Variants in QRICH2 observed in about 807,000 individuals in gnomAD.
QRICH2 encodes glutamine rich 2.
QRICH2 carries 119 observed loss-of-function variants against 168.3 expected under a neutral mutation model. That is an observed-to-expected ratio of 0.71 (90% confidence interval 0.61 to 0.82). QRICH2 has a LOEUF of 0.82. QRICH2 is among the 40% of genes least tolerant of loss of function. The pLI, the probability that QRICH2 is intolerant of heterozygous loss-of-function variation, is 0.00. For synonymous variants in QRICH2, 894 were observed against 951.2 expected (o/e 0.94, Z 1.11); for missense variants, 2,241 against 2,491.6 (o/e 0.90, Z 2.14).
chr17:76,293,408 T>G lies in QRICH2; in HGVS notation c.1319A>C (p.Gln440Pro). 1 of 1,614,162 alleles carries G rather than the reference T, an allele frequency of 6.2e-7. No individual in the cohort carries two copies. The highest frequency in any genetic ancestry group is 8.5e-7 in the Non-Finnish European group (1 of 1,180,016). Residue 440 changes from glutamine (Q) to proline (P), a missense_variant, in exon 4 of 19, where the codon CAA becomes CCA. Transcript: ENST00000680821. ...RELIPFVVDE[Q>P]RMLPPSVPGR... ...AGGTACTGATGGTGGCAACATACGT[T>G]GCTCATCCACGACAAATGGTATCAA... is the stretch of plus-strand genomic sequence containing the variant.
chr17:76,307,667 T>C lies in QRICH2; in HGVS notation c.332A>G (p.Glu111Gly). Residue 111 changes from glutamate (E) to glycine (G), a missense_variant, in exon 1 of 19, where the codon GAG (glutamate) becomes GGG (glycine). Coordinates refer to ENST00000680821, the MANE Select transcript of QRICH2 (RefSeq NM_001388453.1). The surrounding 1 kb of genome is among the most constrained non-coding windows in gnomAD (Gnocchi z 5.3). Reference protein sequence around the residue: ...SQVKDLGGQVEDLSKQLKRVD... With the variant: ...SQVKDLGGQVGDLSKQLKRVD... ...ACGCTTGAGCTGCTTGCTCAGGTCC[T>C]CCACCTGGCCGCCCAGGTCCTTCAC... 1 of 1,463,328 alleles carries C rather than the reference T, an allele frequency of 6.8e-7. No homozygotes were observed. The highest frequency in any genetic ancestry group is 9.1e-7 in the Non-Finnish European group (1 of 1,103,746). The allele number at this position is 1,463,328 out of a possible 1,614,324, so 90.6% of individuals were successfully genotyped here. A position where few individuals can be genotyped will look rare whatever the true frequency, so the allele number is the denominator to read the frequency against.
intron 17 of QRICH2, 31 bp downstream of exon 17, chr17:76,276,649 A>G (rs375720741): frequency 1.3e-6 from 2 of 1,568,126 alleles, no homozygotes; most frequent in African/African-American, 2.7e-5. Flanking sequence ...GACCCACGTG[A>G]GGTGCCTGGG....
chr17:76,307,635 C>G lies in QRICH2; in HGVS notation c.364G>C (p.Gly122Arg). ...TGCGTGGCGATGCCCTGCACCTGGCCGTCCACACGCTTGAGCTGCTTGCTC... is the reference window on the plus strand; with the variant it reads ...TGCGTGGCGATGCCCTGCACCTGGCGGTCCACACGCTTGAGCTGCTTGCTC... ...DLSKQLKRVDGQVQGIATHVQ... is the reference protein window; with the variant it reads ...DLSKQLKRVDRQVQGIATHVQ... The change falls in exon 1 of 19, where the codon GGC (glycine) becomes CGC (arginine). Residue 122 changes from glycine to arginine, a missense_variant. Gly to Arg is a moderately radical substitution (Grantham distance 125). Around this residue, in one of 3 missense-constraint regions of QRICH2, gnomAD observed 2,047 missense variants for 2,303.8 expected, o/e 0.89. Coordinates refer to ENST00000680821, the MANE Select transcript of QRICH2 (RefSeq NM_001388453.1). The surrounding 1 kb of genome is among the most constrained non-coding windows in gnomAD (Gnocchi z 5.3). 1.3e-6 allele frequency: 2 copies of G among 1,504,082 alleles called. No homozygotes were observed. The allele number at this position is 1,504,082 out of a possible 1,614,324, so 93.2% of individuals were successfully genotyped here. A position where few individuals can be genotyped will look rare whatever the true frequency, so the allele number is the denominator to read the frequency against.
intron 5 of QRICH2, among the ~76,000 whole-genome samples, chr17:76,289,520 CGAT>C (rs2070949826): frequency 6.6e-6 from 1 of 152,010 alleles, no homozygotes; most frequent in African/African-American, 2.4e-5. Flanking sequence ...GAAATGAACA[CGAT>C]GATACCCAAG....
At position 76,307,573 on chromosome 17, in the gene QRICH2, C is replaced by G. The variant is rs2143420414; in HGVS notation, c.426G>C (p.Leu142=). The G allele has an allele frequency of 1.9e-6, 3 of 1,572,760 alleles. No homozygotes were observed. In the East Asian group the frequency reaches 7.1e-5, roughly 37 times the overall value. The part of the protein sequence containing the change: ...QHFSQASGLD[L]AALEWPEEQE... The stretch of plus-strand genomic sequence containing the variant: ...GCTCCTCCGGCCACTCTAGCGCGGC[C>G]AGGTCAAGCCCGCTGGCCTGGGAGA... The change falls in exon 1 of 19, where the codon CTG becomes CTC. Residue 142 remains leucine (L), a synonymous_variant. Coordinates refer to ENST00000680821, the MANE Select transcript of QRICH2 (RefSeq NM_001388453.1). This position sits in a 1 kb window ranked among gnomAD's most constrained non-coding sequence, Gnocchi z 5.3.
intron 6 of QRICH2, 78 bp from the exon 7 acceptor site, chr17:76,287,384 G>T: frequency 2.0e-6 from 2 of 998,254 alleles, no homozygotes; most frequent in Non-Finnish European, 3.1e-6. Flanking sequence ...CAGGGACGCA[G>T]GGGGATGCAG....
Position 76,293,527 on chromosome 17 carries a change from A to T in QRICH2, c.1200T>A (p.Pro400=). ...RGLEPTGMNQ[P]GLVPASTYPH... ...GGTAAGTGCTAGCAGGCACTAATCCAGGCTGATTCATGCCAGTTGGTTCTA... is the reference window on the plus strand; with the variant it reads ...GGTAAGTGCTAGCAGGCACTAATCCTGGCTGATTCATGCCAGTTGGTTCTA... Residue 400 remains proline (P), a synonymous_variant, in exon 4 of 19, where the codon CCT becomes CCA. Coordinates refer to ENST00000680821, the MANE Select transcript of QRICH2 (RefSeq NM_001388453.1). 1.9e-6 allele frequency: 3 copies of T among 1,614,234 alleles called. No homozygotes were observed. The South Asian group carries it at 3.3e-5, about 18-fold the overall frequency.
At position 76,300,864 on chromosome 17, in the gene QRICH2, C is replaced by T. The variant is rs570019466; in HGVS notation, c.705+3551G>A. 5.3e-3 allele frequency among the ~76,000 whole-genome samples: 811 copies of T among 152,238 alleles called. 6 individuals are homozygous for T. The highest frequency in any genetic ancestry group is 0.019 in the African/African-American group (774 of 41,556). Reference sequence around the variant, plus strand: ...GTCAGGAGTTTAAGACCAGCCTGGCCAACACGGTGAAACCCCATCTTTACT... The same window carrying T: ...GTCAGGAGTTTAAGACCAGCCTGGCTAACACGGTGAAACCCCATCTTTACT... On this transcript the variant is annotated intron_variant, in intron 3 of 18. Coordinates refer to ENST00000680821, the MANE Select transcript of QRICH2 (RefSeq NM_001388453.1).
At chr17:76,304,750 C>A in intron 2 of QRICH2, 132 bp downstream of exon 2, 1 of 800,204 alleles carries the variant, frequency 1.2e-6, no homozygotes, top group South Asian at 1.4e-5. Flanking sequence ...TCCCTCCAAC[C>A]CTGGGGCAGA....
chr17:76,292,250 A>G lies in QRICH2; in HGVS notation c.2477T>C (p.Val826Ala), dbSNP rs1230801114. The change falls in exon 4 of 19, where the codon GTG becomes GCG. Residue 826 changes from valine to alanine, a missense_variant. Coordinates refer to ENST00000680821, the MANE Select transcript of QRICH2 (RefSeq NM_001388453.1). ...AGGTTGAACCAAACCACGCTGATCC[A>G]CTCCAGGTTGGACCAAACCACGCTG... is the stretch of plus-strand genomic sequence containing the variant. The part of the protein sequence containing the change: ...AVQRGLVQPG[V>A]DQRGLVQPGA... 9 of 1,593,768 alleles carry G rather than the reference A, an allele frequency of 5.6e-6. No individual in the cohort carries two copies. Among genetic ancestry groups the G allele is most frequent in the Non-Finnish European group, 6.8e-6 (8 of 1,174,800 alleles).
At chr17:76,294,791 T>C (rs1417865005) in intron 3 of QRICH2, among the ~76,000 whole-genome samples, 16 of 143,764 alleles carry the variant, frequency 1.1e-4, no homozygotes, top group Non-Finnish European at 2.4e-4. Context: ...CCAGCCTGGG[T>C]GACAGAGTGA....
chr17:76,300,160 C>T (rs1323003652), intron 3 of QRICH2, among the ~76,000 whole-genome samples: 2 of 152,208 alleles, frequency 1.3e-5, no homozygotes, highest in South Asian at 2.1e-4. Flanking sequence ...ATGCCACTAT[C>T]GTACTGTTTT....
At position 76,279,363 on chromosome 17, in the gene QRICH2, T is replaced by G. The variant is rs1172339683; in HGVS notation, c.4814A>C (p.His1605Pro). 1 of 1,612,084 alleles carries G rather than the reference T, an allele frequency of 6.2e-7. No homozygotes were observed. Among genetic ancestry groups the G allele is most frequent in the East Asian group, 2.2e-5 (1 of 44,828 alleles). ...DRPLETPVTG[H>P]AIPVTPAGPG... ...ACGTGCCGGCGGTGTGGGCACTCAC[T>G]GTCCAGTCACAGGTGTCTCCAAGGG... The change falls in exon 13 of 19, where the codon CAT becomes CCT. Residue 1605 changes from histidine (H) to proline (P), a missense_variant and splice_region_variant. His to Pro is a moderately conservative substitution (Grantham distance 77). Coordinates refer to ENST00000680821, the MANE Select transcript of QRICH2 (RefSeq NM_001388453.1).
In QRICH2 at chr17:76,293,202, C is replaced by A; in HGVS notation, c.1525G>T (p.Gly509Cys). ...AATGTCAATCCTTGCTGGTCTATAC[C>A]AGGGGGTACTAGTCCTTGCTGACCC... ...GMGQQGLVPP[G>C]IDQQGLTLPV... Residue 509 changes from glycine to cysteine, a missense_variant, in exon 4 of 19, where the codon GGT becomes TGT. By Grantham distance (159) the Gly-to-Cys change is radical. This residue lies in a region of QRICH2 where 2,047 missense variants were observed against 2,303.8 expected (regional missense o/e 0.89). Coordinates refer to ENST00000680821, the MANE Select transcript of QRICH2 (RefSeq NM_001388453.1). The A allele has an allele frequency of 2.5e-6, 4 of 1,614,122 alleles. No individual in the cohort carries two copies. The highest frequency in any genetic ancestry group is 3.4e-6 in the Non-Finnish European group (4 of 1,180,034).
Position 76,293,820 on chromosome 17 carries a change from G to A in QRICH2, c.907C>T (p.Gln303Ter), listed in dbSNP as rs2071059658. ...HPSDGVSSRE[Q>*]SKVPSGTGRQ... ...CCAGTACCAGAGGGGACCTTGCTTTGTTCCCTACTGGAAACCCCATCAGAG... is the reference window on the plus strand; with the variant it reads ...CCAGTACCAGAGGGGACCTTGCTTTATTCCCTACTGGAAACCCCATCAGAG... Residue 303 changes from glutamine to a stop codon, truncating the protein, a stop_gained, in exon 4 of 19, where the codon CAA (glutamine) becomes TAA (stop). Transcript: ENST00000680821. LOFTEE classifies it high-confidence loss of function. 13 of 1,614,030 alleles carry A rather than the reference G, an allele frequency of 8.1e-6. No individual in the cohort carries two copies. Among genetic ancestry groups the A allele is most frequent in the Non-Finnish European group, 1.1e-5 (13 of 1,179,978 alleles).
In QRICH2 at chr17:76,280,523, C is replaced by T. The variant is rs140621088; in HGVS notation, c.4462-72G>A. The T allele has an allele frequency of 7.7e-4, 1,217 of 1,590,522 alleles. 3 individuals carry two copies. The highest frequency in any genetic ancestry group is 9.3e-4 in the Non-Finnish European group (1,085 of 1,164,626). On this transcript the variant is annotated intron_variant, in intron 10 of 18. Transcript: ENST00000680821. This position sits in a 1 kb window ranked among gnomAD's most constrained non-coding sequence, Gnocchi z 7.4. ...GAGGGGCCCCATTCCCTGGGGGTGT[C>T]GACCCCTATCACCAGGCAGGTTTCT...
At position 76,281,608 on chromosome 17, in the gene QRICH2, G is replaced by A. The variant is rs544957331; in HGVS notation, c.4263+256C>T. Reference sequence around the variant, plus strand: ...GAAGGGCACTGATCTGTCCTCAGCCGGCCTGTGCTGTCCCACCCCATCAAG... The same window carrying A: ...GAAGGGCACTGATCTGTCCTCAGCCAGCCTGTGCTGTCCCACCCCATCAAG... On this transcript the variant is annotated intron_variant, in intron 8 of 18. Transcript: ENST00000680821. The surrounding 1 kb of genome is among the most constrained non-coding windows in gnomAD (Gnocchi z 4.4). 2.6e-5 allele frequency among the ~76,000 whole-genome samples: 4 copies of A among 152,324 alleles called. No homozygotes were observed. The highest frequency in any genetic ancestry group is 1.9e-4 in the East Asian group (1 of 5,186).
chr17:76,276,084 A>G, intron 17 of QRICH2, 137 bp from the exon 18 acceptor site: 1 of 1,035,390 alleles, frequency 9.7e-7, no homozygotes, highest in Non-Finnish European at 1.4e-6. Context: ...GTCATTCTGA[A>G]TTTGTGGCTA....
In QRICH2 at chr17:76,278,118, G is replaced by T; in HGVS notation, c.4988C>A (p.Ser1663Tyr). 1.2e-6 allele frequency: 2 copies of T among 1,613,360 alleles called. No individual in the cohort carries two copies. Among genetic ancestry groups the T allele is most frequent in the Non-Finnish European group, 1.7e-6 (2 of 1,180,020 alleles). The change falls in exon 15 of 19, where the codon TCC (serine) becomes TAC (tyrosine). Residue 1663 changes from serine to tyrosine, a missense_variant. Coordinates refer to ENST00000680821, the MANE Select transcript of QRICH2 (RefSeq NM_001388453.1). ...QMEQSVGRLRSMHSKMLMNIE... is the reference protein window; with the variant it reads ...QMEQSVGRLRYMHSKMLMNIE... ...GTTCATCAGCATCTTGGAGTGCATG[G>T]AGCGCAGGCGCCCCACGCTCTGCTC...
Sources: allele counts gnomAD v4.1 joint callset (sites outside exome capture counted in the v4.1 genomes callset), GRCh38; gene constraint gnomAD v4.1.1; regional missense constraint gnomAD v4.1.1; non-coding constraint Gnocchi (gnomAD v3.1); transcripts MANE v1.5; gene names NCBI Gene and HGNC (gene_info 2026-07-23, HGNC 2026-07-21).